Variants in CNTN4 observed in about 807,000 individuals in gnomAD.
CNTN4 encodes the protein contactin-4.
A neutral mutation model predicts 122.5 loss-of-function variants in CNTN4; 77 were observed. The ratio of observed to expected loss-of-function variants is 0.63; its 90% CI spans 0.52 to 0.76. CNTN4 has a LOEUF of 0.76. Ranked by LOEUF, CNTN4 falls within the 30% of genes least tolerant of loss-of-function variation. The pLI is 0.00. For missense variants in CNTN4, 1,256 were observed against 1,259.1 expected (o/e 1.00, Z 0.04); for synonymous variants, 512 against 447.0 (o/e 1.15, Z -1.83).
At chr3:2,562,288 T>A (rs896559818) in intron 3 of CNTN4, among the ~76,000 whole-genome samples, 1 of 152,128 alleles carries the variant, frequency 6.6e-6, no homozygotes, top group Non-Finnish European at 1.5e-5. Flanking sequence ...ATAGGTATAT[T>A]GTGTGATGCT....
At chr3:2,277,281 GA>G (rs199614512) in intron 2 of CNTN4, among the ~76,000 whole-genome samples, 11,420 of 152,102 alleles carry the variant, frequency 0.075, 608 homozygotes, top group African/African-American at 0.15. Flanking sequence ...CTTATTCCTG[GA>G]AGACGGTCAG....
chr3:2,909,860 C>T (rs943215290), intron 12 of CNTN4, among the ~76,000 whole-genome samples: 1 of 152,176 alleles, frequency 6.6e-6, no homozygotes, highest in Admixed American at 6.5e-5. Context: ...GATGTTGATG[C>T]TGATGCTGCT....
chr3:2,426,777 C>A (rs1575604663), intron 3 of CNTN4, among the ~76,000 whole-genome samples: 1 of 152,242 alleles, frequency 6.6e-6, no homozygotes, highest in Middle Eastern at 3.4e-3. Context: ...AGGGATTCAA[C>A]TTCTTCCTGG....
chr3:2,709,400 T>C lies in CNTN4; in HGVS notation c.56-26815T>C, dbSNP rs373166887. 7.5e-4 allele frequency among the ~76,000 whole-genome samples: 114 copies of C among 152,134 alleles called. 4 individuals are homozygous for C. In the South Asian group the frequency reaches 0.023, roughly 30 times the overall value. The stretch of plus-strand genomic sequence containing the variant: ...CTGGTTAGGATTTGATTGGTAAGGG[T>C]ACAACCTGTGCACCAGGGATTTTCA... On this transcript the variant is annotated intron_variant, in intron 4 of 24. Coordinates refer to ENST00000418658, the MANE Select transcript of CNTN4 (RefSeq NM_175607.3). The surrounding 1 kb of genome is among the most constrained non-coding windows in gnomAD (Gnocchi z 5.0).
At chr3:2,631,048 A>G (rs187009214) in intron 4 of CNTN4, among the ~76,000 whole-genome samples, 8 of 152,186 alleles carry the variant, frequency 5.3e-5, no homozygotes, top group African/African-American at 1.7e-4. Flanking sequence ...TTATAAGGCA[A>G]AATCTCTCAT....
chr3:2,639,585 A>C (rs1376731736), intron 4 of CNTN4, among the ~76,000 whole-genome samples: 1 of 152,204 alleles, frequency 6.6e-6, no homozygotes, highest in Non-Finnish European at 1.5e-5. Context: ...TGTTTAATAA[A>C]TTCTTCAAGG....
intron 4 of CNTN4, among the ~76,000 whole-genome samples, chr3:2,636,342 C>T (rs959895378): frequency 3.3e-5 from 5 of 152,144 alleles, no homozygotes; most frequent in Admixed American, 2.6e-4. Flanking sequence ...TATTGAGGAA[C>T]ACTAATTATG....
chr3:2,113,597 C>G (rs1190963173), intron 2 of CNTN4, among the ~76,000 whole-genome samples: 1 of 152,150 alleles, frequency 6.6e-6, no homozygotes, highest in African/African-American at 2.4e-5. Flanking sequence ...ATATACACAA[C>G]CTGCTTAATT....
At chr3:2,523,720 TATC>T (rs1387274922) in intron 3 of CNTN4, among the ~76,000 whole-genome samples, 1 of 152,026 alleles carries the variant, frequency 6.6e-6, no homozygotes, top group Non-Finnish European at 1.5e-5. Flanking sequence ...AATGTGCAAA[TATC>T]ATGACAAGGA....
chr3:2,465,634 G>A (rs187656897), intron 3 of CNTN4, among the ~76,000 whole-genome samples: 11 of 152,070 alleles, frequency 7.2e-5, no homozygotes, highest in South Asian at 6.3e-4. Flanking sequence ...CCGAGATTGC[G>A]CCACTTCACT....
intron 14 of CNTN4, among the ~76,000 whole-genome samples, chr3:3,009,268 C>G (rs11926567): frequency 0.013 from 1,929 of 152,280 alleles, 27 homozygotes; most frequent in African/African-American, 0.044. Flanking sequence ...ACAAGTTAAC[C>G]TTTACCTTTC....
chr3:2,364,572 TCTCTTTTAATCTAGTTGAGTCCC>T (rs1361491816), intron 3 of CNTN4, among the ~76,000 whole-genome samples: 2 of 152,006 alleles, frequency 1.3e-5, no homozygotes, highest in African/African-American at 4.8e-5. Context: ...CCATTCTAGA[TCTCTTTTAATCTAGTTGAGTCCC>T]CGGAGAACAG....
At chr3:2,702,763 G>C (rs896777967) in intron 4 of CNTN4, among the ~76,000 whole-genome samples, 3 of 151,350 alleles carry the variant, frequency 2.0e-5, no homozygotes, top group African/African-American at 7.4e-5. Context: ...ATGTGCACGT[G>C]AACTGTATGG....
chr3:2,886,809 CT>C (rs1304822629), intron 9 of CNTN4, among the ~76,000 whole-genome samples: 4 of 152,100 alleles, frequency 2.6e-5, no homozygotes, highest in African/African-American at 9.7e-5. Flanking sequence ...CCATTGCACC[CT>C]GCCAGATCAC....
intron 3 of CNTN4, among the ~76,000 whole-genome samples, chr3:2,416,278 AC>A (rs1345020062): frequency 6.6e-6 from 1 of 152,196 alleles, no homozygotes; most frequent in Non-Finnish European, 1.5e-5. Context: ...AGATTGTGTC[AC>A]TTTACATTAG....
rs1559468175 is a variant in CNTN4, at chr3:2,340,709, A to AGAGAGAGAGAGAGAGAGAGAGAGGGG, written c.-89+1476_-89+1477insGAGAGAGAGAGAGAGAGAGAGAGGGG. Among the ~76,000 whole-genome samples, 606 of 101,160 alleles carry AGAGAGAGAGAGAGAGAGAGAGAGGGG rather than the reference A, an allele frequency of 6.0e-3. 15 individuals carry two copies. The highest frequency in any genetic ancestry group is 8.0e-3 in the Non-Finnish European group (379 of 47,234). 66.4% of individuals were successfully genotyped at this position (101,160 alleles called of 152,430 possible). Reference sequence around the variant, plus strand: ...TTTATATATATATATATATATATATATAGAGAGAGAGAGAGAGAGAGAGAG... The same window carrying AGAGAGAGAGAGAGAGAGAGAGAGGGG: ...TTTATATATATATATATATATATATAGAGAGAGAGAGAGAGAGAGAGAGGGGTAGAGAGAGAGAGAGAGAGAGAGAG... On this transcript the variant is annotated intron_variant, in intron 3 of 24. Transcript: ENST00000418658.
intron 4 of CNTN4, among the ~76,000 whole-genome samples, chr3:2,691,931 A>G (rs2085760952): frequency 6.6e-6 from 1 of 152,164 alleles, no homozygotes; most frequent in Non-Finnish European, 1.5e-5. Context: ...AACATATGAG[A>G]CAACTGGATA....
chr3:2,845,448 A>G (rs1042841655), intron 7 of CNTN4, among the ~76,000 whole-genome samples: 5 of 152,158 alleles, frequency 3.3e-5, no homozygotes, highest in Middle Eastern at 3.4e-3. Context: ...GTAAATAAAG[A>G]TAAGTTATAT....
chr3:2,303,251 A>C (rs1201567213), intron 2 of CNTN4, among the ~76,000 whole-genome samples: 17 of 152,200 alleles, frequency 1.1e-4, no homozygotes, highest in Admixed American at 1.1e-3. Flanking sequence ...ACTTTTTTAA[A>C]GTGTACAATT....
Sources: allele counts gnomAD v4.1 joint callset (sites outside exome capture counted in the v4.1 genomes callset), GRCh38; gene constraint gnomAD v4.1.1; non-coding constraint Gnocchi (gnomAD v3.1); transcripts MANE v1.5; gene names NCBI Gene and HGNC (gene_info 2026-07-23, HGNC 2026-07-21).